RBMS3: variants seen among roughly 807,000 people sequenced by gnomAD.
RBMS3 encodes the protein RNA binding motif single stranded interacting protein 3.
In RBMS3, 27 loss-of-function variants were observed where a neutral mutation model predicts 66.8. The observed-to-expected ratio is 0.40, with a 90% CI of 0.30 to 0.56. RBMS3 has a LOEUF of 0.56. RBMS3 is among the 20% of genes least tolerant of loss of function. The pLI is 0.40. For synonymous variants in RBMS3, 188 were observed against 183.0 expected (o/e 1.03, Z -0.22); for missense variants, 513 against 549.5 (o/e 0.93, Z 0.66).
At chr3:29,296,711 C>T (rs1432306406) in intron 1 of RBMS3, among the ~76,000 whole-genome samples, 1 of 151,672 alleles carries the variant, frequency 6.6e-6, no homozygotes, top group Non-Finnish European at 1.5e-5. Flanking sequence ...AGTTTCTTCT[C>T]CTAGAAGAAA....
At chr3:29,410,777 T>C (rs1328203614) in intron 1 of RBMS3, among the ~76,000 whole-genome samples, 3 of 152,158 alleles carry the variant, frequency 2.0e-5, no homozygotes, top group Non-Finnish European at 4.4e-5. Flanking sequence ...TGGGTGTTTT[T>C]CAAAGCTGTG....
intron 10 of RBMS3, among the ~76,000 whole-genome samples, chr3:29,906,815 A>G (rs1423839841): frequency 1.3e-5 from 2 of 152,096 alleles, no homozygotes; most frequent in Non-Finnish European, 2.9e-5. Context: ...CTACCAACTT[A>G]TCTACATCTA....
At chr3:29,429,971 A>T (rs1003700820) in intron 1 of RBMS3, among the ~76,000 whole-genome samples, 1 of 151,528 alleles carries the variant, frequency 6.6e-6, no homozygotes, top group Non-Finnish European at 1.5e-5. Flanking sequence ...ATTTTTTAAG[A>T]TTCTGTAGTT....
intron 4 of RBMS3, among the ~76,000 whole-genome samples, chr3:29,663,229 C>A (rs1214048510): frequency 6.6e-6 from 1 of 151,344 alleles, no homozygotes; most frequent in Non-Finnish European, 1.5e-5. Flanking sequence ...TCTTCATGAA[C>A]ATTTCCTGAA....
intron 1 of RBMS3, among the ~76,000 whole-genome samples, chr3:29,388,613 C>T (rs899127284): frequency 3.3e-5 from 5 of 152,156 alleles, no homozygotes; most frequent in Admixed American, 2.0e-4. Flanking sequence ...CTTGCTCTGT[C>T]GCACAGGCTG....
At chr3:29,378,032 C>T (rs1004317909) in intron 1 of RBMS3, among the ~76,000 whole-genome samples, 2 of 152,132 alleles carry the variant, frequency 1.3e-5, no homozygotes, top group Admixed American at 6.6e-5. Flanking sequence ...GCATTGGTTG[C>T]TAGGGAAAGC....
chr3:29,926,119 C>T (rs1449840717), intron 10 of RBMS3, among the ~76,000 whole-genome samples: 1 of 152,100 alleles, frequency 6.6e-6, no homozygotes, highest in Non-Finnish European at 1.5e-5. Context: ...GTCTGTTACA[C>T]CAGGACATAT....
intron 4 of RBMS3, among the ~76,000 whole-genome samples, chr3:29,598,702 CTCT>C (rs543415958): frequency 4.3e-4 from 66 of 151,998 alleles, no homozygotes; most frequent in Non-Finnish European, 7.7e-4. Context: ...TTTTATTTTT[CTCT>C]TCTTCTGTCT....
chr3:29,584,822 G>A (rs753376504), intron 3 of RBMS3, among the ~76,000 whole-genome samples: 14 of 152,032 alleles, frequency 9.2e-5, no homozygotes, highest in Non-Finnish European at 1.9e-4. Flanking sequence ...CCTCTGGAAT[G>A]TTGCAATAGC....
chr3:29,788,134 A>G (rs1376156573), intron 6 of RBMS3, among the ~76,000 whole-genome samples: 4 of 151,418 alleles, frequency 2.6e-5, no homozygotes, highest in Non-Finnish European at 4.4e-5. Context: ...TCACTCCAAC[A>G]GTGGCAAGTA....
At chr3:29,413,390 A>G (rs1458539119) in intron 1 of RBMS3, among the ~76,000 whole-genome samples, 3 of 148,244 alleles carry the variant, frequency 2.0e-5, no homozygotes, top group African/African-American at 7.5e-5. Flanking sequence ...ACATACATAC[A>G]TACATACATA....
chr3:29,566,467 C>A (rs2046745328), intron 3 of RBMS3, among the ~76,000 whole-genome samples: 1 of 152,026 alleles, frequency 6.6e-6, no homozygotes, highest in South Asian at 2.1e-4. Flanking sequence ...GCCTGTCCTG[C>A]ACTGTTCTAC....
At chr3:29,364,489 A>G (rs563559671) in intron 1 of RBMS3, among the ~76,000 whole-genome samples, 1 of 152,318 alleles carries the variant, frequency 6.6e-6, no homozygotes, top group African/African-American at 2.4e-5. Flanking sequence ...ATTTAAGAAG[A>G]CAACCTAAAT....
intron 3 of RBMS3, among the ~76,000 whole-genome samples, chr3:29,490,615 G>T (rs947304366): frequency 2.0e-5 from 3 of 152,134 alleles, no homozygotes; most frequent in Non-Finnish European, 4.4e-5. Context: ...GAAATTGTAA[G>T]AAAGCCCAGG....
At chr3:29,571,627 G>A (rs761177672) in intron 3 of RBMS3, among the ~76,000 whole-genome samples, 3 of 151,992 alleles carry the variant, frequency 2.0e-5, no homozygotes, top group African/African-American at 7.2e-5. Context: ...TGTTCCATTG[G>A]CCTATGTGTC....
chr3:29,891,597 A>G (rs951515230), intron 8 of RBMS3, among the ~76,000 whole-genome samples: 1 of 151,514 alleles, frequency 6.6e-6, no homozygotes, highest in Non-Finnish European at 1.5e-5. Context: ...ATTCCCTCCC[A>G]TATTCAAAAT....
intron 1 of RBMS3, among the ~76,000 whole-genome samples, chr3:29,394,908 A>T (rs1182234535): frequency 6.6e-6 from 1 of 152,144 alleles, no homozygotes; most frequent in Non-Finnish European, 1.5e-5. Flanking sequence ...CCTGTTGGGA[A>T]CACTCTTTCC....
At chr3:30,001,043 A>AG (rs1305552524) in intron 14 of RBMS3, among the ~76,000 whole-genome samples, 1 of 151,994 alleles carries the variant, frequency 6.6e-6, no homozygotes, top group African/African-American at 2.4e-5. Flanking sequence ...TATAATAAAA[A>AG]AAAGAAAAGA....
intron 1 of RBMS3, among the ~76,000 whole-genome samples, chr3:29,376,024 G>T (rs1353906514): frequency 6.6e-6 from 1 of 152,106 alleles, no homozygotes; most frequent in East Asian, 1.9e-4. Context: ...AAAGGAATGA[G>T]ATCATGTCCT....
Sources: allele counts gnomAD v4.1 joint callset (sites outside exome capture counted in the v4.1 genomes callset), GRCh38; gene constraint gnomAD v4.1.1; transcripts MANE v1.5; gene names NCBI Gene and HGNC (gene_info 2026-07-23, HGNC 2026-07-21).